The following FCAR variants were observed in gnomAD, a reference collection of about 807,000 sequenced individuals.
FCAR encodes immunoglobulin alpha Fc receptor.
A neutral mutation model predicts 27.1 loss-of-function variants in FCAR; 21 were observed. The ratio of observed to expected loss-of-function variants is 0.77; its 90% confidence interval spans 0.55 to 1.11. The LOEUF is 1.11. Ranked by LOEUF, FCAR falls within the 50% of genes most tolerant of loss-of-function variation. The pLI, the probability that FCAR is intolerant of heterozygous loss-of-function variation, is 0.00. For missense variants in FCAR, 404 were observed against 358.4 expected (o/e 1.13, Z -1.03); for synonymous variants, 134 against 135.8 (o/e 0.99, Z 0.09).
At chr19:54,879,204 C>G (rs1294210119) in intron 2 of FCAR, among the ~76,000 whole-genome samples, 5 of 152,132 alleles carry the variant, frequency 3.3e-5, no homozygotes, top group Non-Finnish European at 5.9e-5. Context: ...ACTTGCCACT[C>G]TCTGCATTTT....
chr19:54,879,887 A>G (rs1006224156), intron 2 of FCAR, among the ~76,000 whole-genome samples: 20 of 152,060 alleles, frequency 1.3e-4, no homozygotes, highest in African/African-American at 4.1e-4. Flanking sequence ...GGGTTTCACC[A>G]TGTTAGCCAG....
rs2066996009 is a variant in FCAR at position 54,890,080 on chromosome 19, A to G, written c.*217A>G. ...GTGATTCTTGTGCCTCAGCCTCCCA[A>G]GTAGCTGGAATTACAGGCACATACC... On this transcript the variant is annotated 3_prime_UTR_variant, in exon 5 of 5. Transcript: ENST00000355524. 3.4e-6 allele frequency: 2 copies of G among 584,812 alleles called. No individual in the cohort carries two copies. The highest frequency in any genetic ancestry group is 2.1e-5 in the South Asian group (1 of 47,906). 36.2% of individuals were successfully genotyped at this position (584,812 alleles called of 1,614,324 possible). A position where few individuals can be genotyped will look rare whatever the true frequency, so the allele number is the denominator to read the frequency against.
chr19:54,885,623 A>T (rs2066675624), intron 3 of FCAR, 98 bp downstream of exon 3: 5 of 893,972 alleles, frequency 5.6e-6, no homozygotes, highest in Middle Eastern at 3.3e-4. Context: ...ACAAAAAAAA[A>T]TTGATGATTG....
At chr19:54,887,003 G>A (rs2145922463) in intron 3 of FCAR, among the ~76,000 whole-genome samples, 1 of 149,508 alleles carries the variant, frequency 6.7e-6, no homozygotes, top group Non-Finnish European at 1.5e-5. Context: ...CAGACACCGT[G>A]GCTCGTGCCT....
At chr19:54,876,241 T>C (rs2066083122) in intron 2 of FCAR, among the ~76,000 whole-genome samples, 1 of 152,234 alleles carries the variant, frequency 6.6e-6, no homozygotes, top group South Asian at 2.1e-4. Context: ...GCAGAGACTG[T>C]GGTTTTCTAG....
At position 54,885,328 on chromosome 19, in the gene FCAR, C is replaced by G. The variant is rs1413415608; in HGVS notation, c.164C>G (p.Ala55Gly). 1.9e-6 allele frequency: 3 copies of G among 1,614,092 alleles called. No individual in the cohort carries two copies. The highest frequency in any genetic ancestry group is 2.5e-6 in the Non-Finnish European group (3 of 1,179,998). Residue 55 changes from alanine (A) to glycine (G), a missense_variant, in exon 3 of 5, where the codon GCT becomes GGT. By Grantham distance (60) the Ala-to-Gly change is moderately conservative (BLOSUM62 0). Transcript: ENST00000355524. The part of the protein sequence containing the change: ...VKIQCQAIRE[A>G]YLTQLMIIKN... ...ATCCAGTGCCAGGCCATTCGTGAAGCTTACCTGACCCAGCTGATGATCATA... is the reference window on the plus strand; with the variant it reads ...ATCCAGTGCCAGGCCATTCGTGAAGGTTACCTGACCCAGCTGATGATCATA...
At chr19:54,886,235 G>A (rs113230357) in intron 3 of FCAR, among the ~76,000 whole-genome samples, 8,674 of 148,640 alleles carry the variant, frequency 0.058, 790 homozygotes, top group African/African-American at 0.19. Flanking sequence ...GCGACAGGGC[G>A]AGACTCCATC....
rs1284680449 is a variant in FCAR at position 54,885,275 on chromosome 19, T to A, written c.111T>A (p.Pro37=). 1 of 1,613,854 alleles carries A rather than the reference T, an allele frequency of 6.2e-7. No individual in the cohort carries two copies. The highest frequency in any genetic ancestry group is 1.3e-5 in the African/African-American group (1 of 74,902). ...CTTTCATATCTGCCAAATCGAGTCC[T>A]GTGATTCCCTTGGATGGATCTGTGA... ...PMPFISAKSS[P]VIPLDGSVKI... is the part of the protein sequence containing the mutation. The change falls in exon 3 of 5, where the codon CCT becomes CCA. Residue 37 remains proline (P), a synonymous_variant. Coordinates refer to ENST00000355524, the MANE Select transcript of FCAR (RefSeq NM_002000.4).
At position 54,889,737 on chromosome 19, in the gene FCAR, T is replaced by C. The variant is rs764871470; in HGVS notation, c.738T>C (p.Val246=). Residue 246 remains valine (V), a synonymous_variant, in exon 5 of 5, where the codon GTT becomes GTC. Coordinates refer to ENST00000355524, the MANE Select transcript of FCAR (RefSeq NM_002000.4). ...TCGTGGCTCTCTTGGCCATACTGGT[T>C]GAAAATTGGCACAGCCATACGGCAC... is the stretch of plus-strand genomic sequence containing the variant. ...LVLVALLAIL[V]ENWHSHTALN... 6.2e-7 allele frequency: 1 copy of C among 1,613,998 alleles called. No individual in the cohort carries two copies. Among genetic ancestry groups the C allele is most frequent in the South Asian group, 1.1e-5 (1 of 91,068 alleles).
In FCAR at chr19:54,889,918, C is replaced by T; in HGVS notation, c.*55C>T. ...AGGACTGTGGAGTCCGACAAAGCTA[C>T]TTGAAGGACACAAGAGAGAAAAGCT... On this transcript the variant is annotated 3_prime_UTR_variant, in exon 5 of 5. Coordinates refer to ENST00000355524, the MANE Select transcript of FCAR (RefSeq NM_002000.4). The T allele has an allele frequency of 7.9e-7, 1 of 1,259,706 alleles. No individual in the cohort carries two copies. Among genetic ancestry groups the T allele is most frequent in the Non-Finnish European group, 1.1e-6 (1 of 878,750 alleles). The allele number at this position is 1,259,706 out of a possible 1,614,324, so 78.0% of individuals were successfully genotyped here. A position where few individuals can be genotyped will look rare whatever the true frequency, so the allele number is the denominator to read the frequency against.
chr19:54,883,952 A>C (rs915796147), intron 2 of FCAR, among the ~76,000 whole-genome samples: 1 of 152,056 alleles, frequency 6.6e-6, no homozygotes. Context: ...GTGAGACTTC[A>C]TCTCAACAAA....
At chr19:54,887,126 A>T (rs1163382303) in intron 3 of FCAR, among the ~76,000 whole-genome samples, 1 of 151,982 alleles carries the variant, frequency 6.6e-6, no homozygotes, top group African/African-American at 2.4e-5. Flanking sequence ...CCTGGGCAAC[A>T]TAGTAAGACC....
At chr19:54,887,699 C>G (rs1475738038) in intron 3 of FCAR, among the ~76,000 whole-genome samples, 2 of 151,624 alleles carry the variant, frequency 1.3e-5, no homozygotes, top group African/African-American at 2.4e-5. Context: ...GGCAAATCAC[C>G]TGAGGTCAGG....
At position 54,885,437 on chromosome 19, in the gene FCAR, C is replaced by T. The variant is rs767472780; in HGVS notation, c.273C>T (p.Asp91=). ...CTGAGTTCGTCATTGACCACATGGA[C>T]GCAAACAAGGCAGGGCGCTATCAGT... The part of the protein sequence containing the change: ...TDPEFVIDHM[D]ANKAGRYQCQ... The change falls in exon 3 of 5, where the codon GAC becomes GAT. Residue 91 remains aspartate, a synonymous_variant. Coordinates refer to ENST00000355524, the MANE Select transcript of FCAR (RefSeq NM_002000.4). 9.9e-6 allele frequency: 16 copies of T among 1,613,630 alleles called. No homozygotes were observed. The highest frequency in any genetic ancestry group is 1.6e-4 in the Middle Eastern group (1 of 6,084).
chr19:54,888,356 A>G lies in FCAR; in HGVS notation c.649+62A>G, dbSNP rs760015857. 2.8e-5 allele frequency: 44 copies of G among 1,584,728 alleles called. No individual in the cohort carries two copies. In the South Asian group the frequency reaches 4.4e-4, roughly 16 times the overall value. On this transcript the variant is annotated intron_variant, in intron 4 of 4. Coordinates refer to ENST00000355524, the MANE Select transcript of FCAR (RefSeq NM_002000.4). The stretch of plus-strand genomic sequence containing the variant: ...GCTGTCCAGGGCCTTGCCACCGGGC[A>G]GGAATATGAAGACGTGCACTGAGAG...
At chr19:54,882,436 CTTTTTTTTTT>C (rs2066478189) in intron 2 of FCAR, among the ~76,000 whole-genome samples, 5 of 104,388 alleles carry the variant, frequency 4.8e-5, no homozygotes, top group Admixed American at 4.4e-4. Flanking sequence ...TTTTTTTTTT[CTTTTTTTTTT>C]CTTTTTTGTG....
intron 3 of FCAR, 152 bp downstream of exon 3, chr19:54,885,677 G>A (rs948998121): frequency 4.9e-5 from 30 of 611,620 alleles, no homozygotes; most frequent in Non-Finnish European, 7.4e-5. Flanking sequence ...TTCCCCCAGA[G>A]TTAACATCTT....
At chr19:54,875,181 A>C in intron 1 of FCAR, 149 bp from the exon 2 acceptor site, 1 of 647,846 alleles carries the variant, frequency 1.5e-6, no homozygotes, top group South Asian at 2.0e-5. Flanking sequence ...AAAAAAAAAA[A>C]AAAATGCCAG....
chr19:54,887,870 T>A (rs952747766), intron 3 of FCAR, 137 bp from the exon 4 acceptor site: 29 of 603,450 alleles, frequency 4.8e-5, no homozygotes, highest in Non-Finnish European at 7.7e-5. Flanking sequence ...TGAGCTGAGA[T>A]CACGCCACTG....
Sources: gnomAD v4.1 joint callset for allele counts (sites outside exome capture counted in the v4.1 genomes callset) on GRCh38, gnomAD v4.1.1 for gene constraint, MANE v1.5 for transcripts, NCBI Gene and HGNC (gene_info 2026-07-23, HGNC 2026-07-21) for gene names.